The following FBXL4 variants were observed in gnomAD, a reference collection of about 807,000 sequenced individuals.
FBXL4 encodes the protein F-box and leucine rich repeat protein 4.
Under a neutral mutation model 58.9 loss-of-function variants are expected in FBXL4, and 40 were observed. That is an observed-to-expected ratio of 0.68 (90% CI 0.53 to 0.88). The LOEUF (loss-of-function observed/expected upper bound fraction) is 0.88. FBXL4 is among the 40% of genes least tolerant of loss of function. FBXL4 has a pLI of 0.00. For synonymous variants in FBXL4, 263 were observed against 265.5 expected (o/e 0.99, Z 0.09); for missense variants, 676 against 734.4 (o/e 0.92, Z 0.92).
chr6:98,925,625 T>C (rs1408837192), intron 4 of FBXL4, among the ~76,000 whole-genome samples: 1 of 152,224 alleles, frequency 6.6e-6, no homozygotes, highest in Non-Finnish European at 1.5e-5. Flanking sequence ...ATACACACTA[T>C]GCATTACTTG....
chr6:98,911,939 A>G (rs989026518), intron 5 of FBXL4, among the ~76,000 whole-genome samples: 2 of 152,200 alleles, frequency 1.3e-5, no homozygotes, highest in Middle Eastern at 3.2e-3. Context: ...AAAAATTTAG[A>G]CAAATGTATA....
intron 7 of FBXL4, chr6:98,898,452 A>C: frequency 1.0e-6 from 1 of 984,288 alleles, no homozygotes. Flanking sequence ...TAAAAATACA[A>C]AAATTAGCTG....
At chr6:98,930,549 G>A (rs1772974653) in intron 2 of FBXL4, among the ~76,000 whole-genome samples, 1 of 152,134 alleles carries the variant, frequency 6.6e-6, no homozygotes, top group South Asian at 2.1e-4. Flanking sequence ...TTATAATTGG[G>A]GGAAAAATAA....
chr6:98,944,993 G>A (rs955753396), intron 1 of FBXL4, among the ~76,000 whole-genome samples: 1 of 152,120 alleles, frequency 6.6e-6, no homozygotes, highest in Non-Finnish European at 1.5e-5. Context: ...TGCAAGTAGG[G>A]TATGATCTCA....
Position 98,897,184 on chromosome 6 carries a change from G to A in FBXL4, c.1317+2084C>T, listed in dbSNP as rs1167167776. 3.0e-6 allele frequency: 3 copies of A among 984,828 alleles called. No homozygotes were observed. The African/African-American group carries it at 5.2e-5, about 17-fold the overall frequency. 61.0% of individuals were successfully genotyped at this position (984,828 alleles called of 1,614,324 possible). On this transcript the variant is annotated intron_variant, in intron 7 of 9. Coordinates refer to ENST00000369244, the MANE Select transcript of FBXL4 (RefSeq NM_001278716.2). ...TAAATGAGGCATTTAAATCCTCCTT[G>A]CTCAGAGGATTTCGTTTATAGTACT... is the stretch of plus-strand genomic sequence containing the variant.
intron 7 of FBXL4, among the ~76,000 whole-genome samples, chr6:98,884,783 T>C (rs1367001318): frequency 6.6e-6 from 1 of 152,214 alleles, no homozygotes. Context: ...AAATATTACT[T>C]TTCTACCATT....
At chr6:98,898,061 T>TA (rs1014665764) in intron 7 of FBXL4, among the ~76,000 whole-genome samples, 97 of 152,066 alleles carry the variant, frequency 6.4e-4, no homozygotes, top group African/African-American at 2.1e-3. Context: ...ACAAGGATGT[T>TA]AAAAAGGAAA....
chr6:98,899,634 T>G (rs1401678286), intron 6 of FBXL4, among the ~76,000 whole-genome samples, 153 bp from the exon 7 acceptor site: 1 of 152,238 alleles, frequency 6.6e-6, no homozygotes, highest in Non-Finnish European at 1.5e-5. Flanking sequence ...TCTTATTCAC[T>G]GCATACTGAA....
intron 1 of FBXL4, among the ~76,000 whole-genome samples, chr6:98,940,131 T>A (rs1293965754): frequency 6.6e-6 from 1 of 152,240 alleles, no homozygotes; most frequent in Non-Finnish European, 1.5e-5. Flanking sequence ...GTGCTATTCA[T>A]GGCAGTAAAT....
At chr6:98,931,452 C>T (rs1290355537) in intron 2 of FBXL4, among the ~76,000 whole-genome samples, 3 of 151,726 alleles carry the variant, frequency 2.0e-5, no homozygotes, top group Non-Finnish European at 1.5e-5. Context: ...AAAATGGATG[C>T]TTTAGTTTTT....
At chr6:98,946,174 G>C (rs1157858826) in intron 1 of FBXL4, among the ~76,000 whole-genome samples, 1 of 152,116 alleles carries the variant, frequency 6.6e-6, no homozygotes, top group Admixed American at 6.5e-5. Context: ...TCACCACAGG[G>C]AGCCAAAGAA....
chr6:98,882,137 T>G (rs1770875999), intron 7 of FBXL4, among the ~76,000 whole-genome samples: 2 of 152,120 alleles, frequency 1.3e-5, no homozygotes, highest in Non-Finnish European at 2.9e-5. Flanking sequence ...GTAATTTATT[T>G]TTAAATTACT....
In FBXL4 at chr6:98,874,354, T is replaced by C; in HGVS notation, c.1790A>G (p.Gln597Arg). ...TTCTAGCACAGCTCTGTTATCAATC[T>C]GCGAACAGAAGGACACATCAAGTAA... is the stretch of plus-strand genomic sequence containing the variant. ...LSLLDVSFCS[Q>R]IDNRAVLELN... The change falls in exon 10 of 10, where the codon CAG (glutamine) becomes CGG (arginine). Residue 597 changes from glutamine (Q) to arginine (R), a missense_variant. Transcript: ENST00000369244. 1 of 1,613,334 alleles carries C rather than the reference T, an allele frequency of 6.2e-7. No individual in the cohort carries two copies. The highest frequency in any genetic ancestry group is 8.5e-7 in the Non-Finnish European group (1 of 1,179,708).
At chr6:98,892,426 C>T (rs3798817) in intron 7 of FBXL4, among the ~76,000 whole-genome samples, 3,157 of 152,286 alleles carry the variant, frequency 0.021, 172 homozygotes, top group East Asian at 0.19. Flanking sequence ...GTCTTATAGT[C>T]TGACTTTGTT....
chr6:98,926,480 A>G lies in FBXL4; in HGVS notation c.509T>C (p.Val170Ala). ...GTCATTAAAAAATTAGTCTTACCTT[A>G]CTTCAGCTGGTGGATTTGGGGAATA... ...NPYSPNPPAE[V>A]RWEILWSERP... is the part of the protein sequence containing the mutation. The change falls in exon 4 of 10, where the codon GTA becomes GCA. Residue 170 changes from valine (V) to alanine (A), a missense_variant. Coordinates refer to ENST00000369244, the MANE Select transcript of FBXL4 (RefSeq NM_001278716.2). 1.2e-6 allele frequency: 2 copies of G among 1,602,852 alleles called. No individual in the cohort carries two copies. The highest frequency in any genetic ancestry group is 1.7e-6 in the Non-Finnish European group (2 of 1,172,762).
chr6:98,929,305 C>T (rs1772911524), intron 2 of FBXL4, among the ~76,000 whole-genome samples: 2 of 152,096 alleles, frequency 1.3e-5, no homozygotes, highest in African/African-American at 2.4e-5. Flanking sequence ...GGCATGGTGG[C>T]TCACGCCTGT....
Position 98,925,668 on chromosome 6 carries a change from GT to G in FBXL4, c.512+808del, listed in dbSNP as rs1772750954. ...AGGAAAGAATGAGGAAGCTCTCTTT[GT>G]ACTTACAAGAAAAGATCCAACATAT... On this transcript the variant is annotated intron_variant, in intron 4 of 9. Transcript: ENST00000369244. 2.6e-5 allele frequency among the ~76,000 whole-genome samples: 4 copies of G among 152,330 alleles called. No individual in the cohort carries two copies. In the South Asian group the frequency reaches 8.3e-4, roughly 32 times the overall value.
chr6:98,903,789 C>A (rs1414226377), intron 6 of FBXL4, among the ~76,000 whole-genome samples: 2 of 152,078 alleles, frequency 1.3e-5, no homozygotes, highest in African/African-American at 2.4e-5. Context: ...CAGCCATTCA[C>A]GACTAATATT....
At chr6:98,875,988 T>C (rs1770649225) in intron 8 of FBXL4, among the ~76,000 whole-genome samples, 1 of 152,206 alleles carries the variant, frequency 6.6e-6, no homozygotes, top group African/African-American at 2.4e-5. Context: ...AAGCAGTCTA[T>C]GTCTTCAGTC....
Sources: gnomAD v4.1 joint callset for allele counts (sites outside exome capture counted in the v4.1 genomes callset) on GRCh38, gnomAD v4.1.1 for gene constraint, MANE v1.5 for transcripts, NCBI Gene and HGNC (gene_info 2026-07-23, HGNC 2026-07-21) for gene names.